Variants in SLC9A9 observed in about 807,000 individuals in gnomAD.
SLC9A9 encodes sodium/hydrogen exchanger 9.
SLC9A9 carries 62 observed loss-of-function variants against 77.8 expected under a neutral mutation model. That is an observed-to-expected ratio of 0.80 (90% CI 0.65 to 0.98). The LOEUF (loss-of-function observed/expected upper bound fraction) is 0.98, where lower values mean the gene tolerates loss of function less well. Ranked by LOEUF, SLC9A9 falls within the 50% of genes least tolerant of loss-of-function variation. SLC9A9 has a pLI of 0.00. For missense variants in SLC9A9, 775 were observed against 774.9 expected (o/e 1.00, Z 0.00); for synonymous variants, 320 against 283.5 (o/e 1.13, Z -1.29).
intron 5 of SLC9A9, among the ~76,000 whole-genome samples, chr3:143,669,868 A>G (rs2039131834): frequency 6.6e-6 from 1 of 152,154 alleles, no homozygotes. Context: ...TATTTATGCA[A>G]AATGTTTGGC....
intron 14 of SLC9A9, among the ~76,000 whole-genome samples, chr3:143,311,387 A>G (rs933380120): frequency 6.6e-6 from 1 of 152,246 alleles, no homozygotes; most frequent in Non-Finnish European, 1.5e-5. Flanking sequence ...TTAAGGGCAT[A>G]CAATTAAGTG....
At chr3:143,705,027 C>CTATA (rs1228136224) in intron 4 of SLC9A9, among the ~76,000 whole-genome samples, 3 of 31,970 alleles carry the variant, frequency 9.4e-5, no homozygotes, top group African/African-American at 3.1e-4. Context: ...ATCTATCTAT[C>CTATA]TATCTATCTA....
intron 4 of SLC9A9, among the ~76,000 whole-genome samples, chr3:143,743,175 TAGGA>T (rs1298553795): frequency 6.9e-6 from 1 of 145,694 alleles, no homozygotes; most frequent in Non-Finnish European, 1.5e-5. Flanking sequence ...GACAGACCAA[TAGGA>T]AGGAAGGATG....
chr3:143,373,610 A>T (rs1307194809), intron 13 of SLC9A9, among the ~76,000 whole-genome samples: 1 of 150,544 alleles, frequency 6.6e-6, no homozygotes, highest in African/African-American at 2.4e-5. Context: ...AATAGTAAAA[A>T]AAAAAAAAAA....
At chr3:143,747,469 G>A (rs2108821515) in intron 4 of SLC9A9, among the ~76,000 whole-genome samples, 2 of 151,658 alleles carry the variant, frequency 1.3e-5, no homozygotes, top group Middle Eastern at 6.9e-3. Flanking sequence ...CTTGAGATAA[G>A]GAGATGACCC....
intron 9 of SLC9A9, among the ~76,000 whole-genome samples, chr3:143,526,125 GT>G (rs1031037308): frequency 9.2e-5 from 14 of 152,308 alleles, no homozygotes; most frequent in African/African-American, 3.4e-4. Context: ...CTTTTGGCCA[GT>G]GGCTGTGATG....
chr3:143,732,206 C>T (rs1376618521), intron 4 of SLC9A9, among the ~76,000 whole-genome samples: 2 of 152,164 alleles, frequency 1.3e-5, no homozygotes, highest in African/African-American at 4.8e-5. Context: ...GCACACTGTG[C>T]CATGAATTTT....
At chr3:143,327,710 G>A (rs1231569278) in intron 14 of SLC9A9, among the ~76,000 whole-genome samples, 1 of 152,122 alleles carries the variant, frequency 6.6e-6, no homozygotes, top group Non-Finnish European at 1.5e-5. Flanking sequence ...ATGCTTGGGG[G>A]TAATATTCTA....
At chr3:143,366,064 C>A (rs1299866270) in intron 13 of SLC9A9, among the ~76,000 whole-genome samples, 2 of 152,130 alleles carry the variant, frequency 1.3e-5, no homozygotes, top group African/African-American at 4.8e-5. Flanking sequence ...GGAATGAGAG[C>A]AAATTCCCAA....
intron 4 of SLC9A9, among the ~76,000 whole-genome samples, chr3:143,707,369 TAC>T (rs67386185): frequency 0.53 from 78,337 of 149,102 alleles, 22,199 homozygotes; most frequent in East Asian, 0.87. Flanking sequence ...TTTTAAAATC[TAC>T]ACACACACAC....
chr3:143,707,679 TA>T (rs1356868180), intron 4 of SLC9A9, among the ~76,000 whole-genome samples: 1 of 152,156 alleles, frequency 6.6e-6, no homozygotes, highest in Admixed American at 6.5e-5. Context: ...AACTTGGCTG[TA>T]AGAGGATATG....
intron 6 of SLC9A9, among the ~76,000 whole-genome samples, chr3:143,616,783 A>T (rs1431368665): frequency 6.6e-6 from 1 of 152,074 alleles, no homozygotes; most frequent in African/African-American, 2.4e-5. Context: ...CACCTTAGAA[A>T]CCTCTCATAA....
intron 9 of SLC9A9, among the ~76,000 whole-genome samples, chr3:143,537,863 C>A (rs2036619219): frequency 6.6e-6 from 1 of 152,134 alleles, no homozygotes; most frequent in Non-Finnish European, 1.5e-5. Context: ...GGATGCTGGC[C>A]CTCAGGCTAC....
chr3:143,383,274 C>A (rs936024670), intron 12 of SLC9A9, among the ~76,000 whole-genome samples: 1 of 152,214 alleles, frequency 6.6e-6, no homozygotes, highest in African/African-American at 2.4e-5. Flanking sequence ...TTTAATTCAG[C>A]CTTGTGCATT....
In SLC9A9 at chr3:143,627,017, C is replaced by T. The variant is rs983479583; in HGVS notation, c.755+25238G>A. ...TCTCCCAAGTAGCTGGGACTACAGG[C>T]GTGCACCACCATGCCTGGCTAATTT... On this transcript the variant is annotated intron_variant, in intron 6 of 15. Transcript: ENST00000316549. Among the ~76,000 whole-genome samples the T allele has an allele frequency of 4.6e-5, 7 of 151,872 alleles. No individual in the cohort carries two copies. The South Asian group carries it at 6.3e-4, about 14-fold the overall frequency.
intron 2 of SLC9A9, among the ~76,000 whole-genome samples, chr3:143,808,555 C>T (rs2008784134): frequency 6.6e-6 from 1 of 152,142 alleles, no homozygotes; most frequent in African/African-American, 2.4e-5. Flanking sequence ...CCTCACTGAC[C>T]TCTGGCTTTT....
At chr3:143,738,079 A>C (rs1252013561) in intron 4 of SLC9A9, among the ~76,000 whole-genome samples, 1 of 151,952 alleles carries the variant, frequency 6.6e-6, no homozygotes, top group South Asian at 2.1e-4. Context: ...CATTTCCTAG[A>C]CTCTGTTACC....
At position 143,652,810 on chromosome 3, in the gene SLC9A9, C is replaced by CACACACAT. The variant is rs113827008; in HGVS notation, c.650-451_650-450insATGTGTGT. 8.2e-3 allele frequency among the ~76,000 whole-genome samples: 1,212 copies of CACACACAT among 148,210 alleles called. 13 individuals are homozygous for CACACACAT. Among genetic ancestry groups the CACACACAT allele is most frequent in the East Asian group, 0.017 (82 of 4,968 alleles). ...ACACACACACACACACACACACACA[C>CACACACAT]ACTTCTTGCTACCAAGGACTCATTT... On this transcript the variant is annotated intron_variant, in intron 5 of 15. Coordinates refer to ENST00000316549, the MANE Select transcript of SLC9A9 (RefSeq NM_173653.4).
intron 12 of SLC9A9, among the ~76,000 whole-genome samples, chr3:143,443,451 G>T (rs928206310): frequency 6.6e-6 from 1 of 151,908 alleles, no homozygotes; most frequent in Non-Finnish European, 1.5e-5. Flanking sequence ...TTAATGTGCT[G>T]CTTGTACCCT....
Sources: allele counts gnomAD v4.1 joint callset (sites outside exome capture counted in the v4.1 genomes callset), GRCh38; gene constraint gnomAD v4.1.1; transcripts MANE v1.5; gene names NCBI Gene and HGNC (gene_info 2026-07-23, HGNC 2026-07-21).